The following MYO5B variants were observed in gnomAD, a reference collection of about 807,000 sequenced individuals.
The protein encoded by MYO5B is myosin VB.
Under a neutral mutation model 229.3 loss-of-function variants are expected in MYO5B, and 143 were observed. The observed-to-expected ratio is 0.62, with a 90% CI of 0.54 to 0.72. The LOEUF is 0.72. Among genes scored for constraint, MYO5B ranks in the 30% least tolerant of loss-of-function variants. The probability of loss-of-function intolerance (pLI) is 0.00; values close to 1 mark genes in which losing one functional copy is unlikely to be tolerated. For missense variants in MYO5B, 2,321 were observed against 2,331.0 expected (o/e 1.00, Z 0.09); for synonymous variants, 918 against 885.2 (o/e 1.04, Z -0.66).
intron 22 of MYO5B, among the ~76,000 whole-genome samples, chr18:49,882,193 C>T (rs2024593967): frequency 6.6e-6 from 1 of 152,154 alleles, no homozygotes; most frequent in African/African-American, 2.4e-5. Flanking sequence ...ATCTCCCTTC[C>T]CCCACGGCTG....
chr18:49,973,488 G>A (rs1049618445), intron 10 of MYO5B, among the ~76,000 whole-genome samples: 11 of 152,176 alleles, frequency 7.2e-5, no homozygotes, highest in Non-Finnish European at 1.6e-4. Context: ...TCTATTTTAA[G>A]ATGCCATGAC....
intron 18 of MYO5B, among the ~76,000 whole-genome samples, chr18:49,908,835 T>A (rs552559327): frequency 6.6e-6 from 1 of 152,312 alleles, no homozygotes; most frequent in Admixed American, 6.5e-5. Flanking sequence ...TCAGTATGTA[T>A]CTGTGGAGTT....
intron 6 of MYO5B, among the ~76,000 whole-genome samples, chr18:49,991,203 C>CTG (rs1374267901): frequency 6.6e-6 from 1 of 152,176 alleles, no homozygotes; most frequent in Non-Finnish European, 1.5e-5. Flanking sequence ...TCAAGCCAAC[C>CTG]TGTGAGGTGC....
At chr18:50,059,937 G>A (rs999052128) in intron 1 of MYO5B, among the ~76,000 whole-genome samples, 1 of 152,138 alleles carries the variant, frequency 6.6e-6, no homozygotes, top group Non-Finnish European at 1.5e-5. Flanking sequence ...TAAAATATAT[G>A]GCCAAGAAAC....
Position 49,936,306 on chromosome 18 carries a change from G to C in MYO5B, c.1949C>G (p.Thr650Arg). The stretch of plus-strand genomic sequence containing the variant: ...GATGCAGCGGACATAGTGAGGTGTC[G>C]TGGCATTCAGGGTCTCCATGAGCAG... ...LHLLMETLNA[T>R]TPHYVRCIKP... The change falls in exon 16 of 40, where the codon ACG becomes AGG. Residue 650 changes from threonine (T) to arginine (R), a missense_variant. Thr to Arg is a moderately conservative substitution (Grantham distance 71). Transcript: ENST00000285039. 6.2e-7 allele frequency: 1 copy of C among 1,603,884 alleles called. No individual in the cohort carries two copies. Among genetic ancestry groups the C allele is most frequent in the Non-Finnish European group, 8.5e-7 (1 of 1,174,590 alleles).
intron 1 of MYO5B, among the ~76,000 whole-genome samples, chr18:50,068,927 A>T (rs1435558980): frequency 6.6e-6 from 1 of 152,136 alleles, no homozygotes; most frequent in Non-Finnish European, 1.5e-5. Flanking sequence ...CACCTTTAAT[A>T]TATCCATGGA....
intron 1 of MYO5B, chr18:50,063,754 T>C (rs553020875): frequency 1.3e-5 from 2 of 152,338 alleles, no homozygotes; most frequent in South Asian, 2.1e-4. Flanking sequence ...CCCAGTCTCT[T>C]CAGAAAAGAG....
chr18:49,872,153 C>G lies in MYO5B; in HGVS notation c.3603+14G>C. 6.2e-7 allele frequency: 1 copy of G among 1,613,558 alleles called. No homozygotes were observed. Among genetic ancestry groups the G allele is most frequent in the Non-Finnish European group, 8.5e-7 (1 of 1,179,626 alleles). On this transcript the variant is annotated intron_variant, in intron 27 of 39. Transcript: ENST00000285039. ...GGGGAGTGTTCCAGGAAGCCTGTCC[C>G]CCAAGAATCTTACCTTCAGACTATT...
chr18:49,925,466 G>A (rs2144187329), intron 17 of MYO5B, among the ~76,000 whole-genome samples: 1 of 152,358 alleles, frequency 6.6e-6, no homozygotes, highest in East Asian at 1.9e-4. Context: ...CCTGAGGGCT[G>A]CGTCATGGGC....
intron 1 of MYO5B, among the ~76,000 whole-genome samples, chr18:50,077,168 T>TAAAAAAAGAAAAAAAAAAAAA (rs2031100200): frequency 1.2e-5 from 1 of 81,232 alleles, no homozygotes; most frequent in Non-Finnish European, 2.3e-5. Context: ...TGTGGCAAAG[T>TAAAAAAAGAAAAAAAAAAAAA]AAAAAAAAAA....
In MYO5B at chr18:49,826,333, T is replaced by C; in HGVS notation, c.*138A>G. On this transcript the variant is annotated 3_prime_UTR_variant, in exon 40 of 40. Transcript: ENST00000285039. The stretch of plus-strand genomic sequence containing the variant: ...CATAGTTGTGTCTAATTCTGTATAG[T>C]TCAGCACCCTCCACAGGCTGTCAAT... The C allele has an allele frequency of 9.4e-7, 1 of 1,066,476 alleles. No homozygotes were observed. Among genetic ancestry groups the C allele is most frequent in the Non-Finnish European group, 1.4e-6 (1 of 717,296 alleles). The allele number at this position is 1,066,476 out of a possible 1,614,324, so 66.1% of individuals were successfully genotyped here.
chr18:50,122,693 G>C (rs4939943), intron 1 of MYO5B, among the ~76,000 whole-genome samples: 100,382 of 122,340 alleles, frequency 0.82, 41,158 homozygotes, highest in Admixed American at 0.88. Flanking sequence ...GAGACTGACT[G>C]CATCTCAAAA....
At chr18:49,983,207 T>G (rs962346131) in intron 8 of MYO5B, among the ~76,000 whole-genome samples, 12 of 152,186 alleles carry the variant, frequency 7.9e-5, no homozygotes, top group African/African-American at 2.9e-4. Flanking sequence ...TGCCTACTGG[T>G]AGAATGTCAA....
rs569929737 is a variant in MYO5B, at chr18:50,027,929, A to G, written c.455+8921T>C. Among the ~76,000 whole-genome samples, 14 of 152,326 alleles carry G rather than the reference A, an allele frequency of 9.2e-5. No individual in the cohort carries two copies. The South Asian group carries it at 1.0e-3, about 11-fold the overall frequency. On this transcript the variant is annotated intron_variant, in intron 4 of 39. Coordinates refer to ENST00000285039, the MANE Select transcript of MYO5B (RefSeq NM_001080467.3). Reference sequence around the variant, plus strand: ...GCATACCAAAGGGAAAAAACAATCAATTGAGCAAGTGCAGGATGAAGGCAA... The same window carrying G: ...GCATACCAAAGGGAAAAAACAATCAGTTGAGCAAGTGCAGGATGAAGGCAA...
At position 49,962,421 on chromosome 18, in the gene MYO5B, A is replaced by G. The variant is rs763156750; in HGVS notation, c.1405-15T>C. The G allele has an allele frequency of 6.2e-7, 1 of 1,614,120 alleles. No individual in the cohort carries two copies. Among genetic ancestry groups the G allele is most frequent in the Admixed American group, 1.7e-5 (1 of 60,018 alleles). Reference sequence around the variant, plus strand: ...TTGAAAACATGCTAGGGCAAGTAAAAAGGTCACACGAGTGAACTGCAGGCA... The same window carrying G: ...TTGAAAACATGCTAGGGCAAGTAAAGAGGTCACACGAGTGAACTGCAGGCA... On this transcript the variant is annotated splice_polypyrimidine_tract_variant and intron_variant, in intron 11 of 39. Coordinates refer to ENST00000285039, the MANE Select transcript of MYO5B (RefSeq NM_001080467.3).
intron 4 of MYO5B, among the ~76,000 whole-genome samples, chr18:50,027,353 G>C (rs149278352): frequency 7.0e-4 from 106 of 152,214 alleles, no homozygotes; most frequent in Non-Finnish European, 1.4e-3. Flanking sequence ...ACCCAGGAGG[G>C]TTCTGCCTGC....
intron 19 of MYO5B, among the ~76,000 whole-genome samples, chr18:49,905,821 G>A (rs779439511): frequency 7.9e-5 from 12 of 152,156 alleles, no homozygotes; most frequent in East Asian, 1.9e-4. Context: ...CCCAGTGTCC[G>A]TGAGGAAGGA....
rs11313115 is a variant in MYO5B, at chr18:49,939,148, CTTTTTT to C, written c.1753-1757_1753-1752del. Among the ~76,000 whole-genome samples, 240 of 119,054 alleles carry C rather than the reference CTTTTTT, an allele frequency of 2.0e-3. 2 individuals are homozygous for C. Among genetic ancestry groups the C allele is most frequent in the Admixed American group, 2.8e-3 (29 of 10,314 alleles). 78.1% of individuals were successfully genotyped at this position (119,054 alleles called of 152,430 possible). A position where few individuals can be genotyped will look rare whatever the true frequency, so the allele number is the denominator to read the frequency against. On this transcript the variant is annotated intron_variant, in intron 14 of 39. Coordinates refer to ENST00000285039, the MANE Select transcript of MYO5B (RefSeq NM_001080467.3). ...TACATTAACACTCTTTCTTTTTTTT[CTTTTTT>C]TTTTTTTTTTTTGAAACAGTCTCGC...
Position 50,058,588 on chromosome 18 carries a change from A to T in MYO5B, c.28-3210T>A, listed in dbSNP as rs564731349. On this transcript the variant is annotated intron_variant, in intron 1 of 39. Transcript: ENST00000285039. ...CACTTTGGGAGGCCGAGGTAGGTGG[A>T]TCATTTGAGGTCAGGAGTTCGAAAC... 1.6e-4 allele frequency among the ~76,000 whole-genome samples: 24 copies of T among 152,310 alleles called. No individual in the cohort carries two copies. In the East Asian group the frequency reaches 4.4e-3, roughly 28 times the overall value.
Sources: allele counts gnomAD v4.1 joint callset (sites outside exome capture counted in the v4.1 genomes callset), GRCh38; gene constraint gnomAD v4.1.1; transcripts MANE v1.5; gene names NCBI Gene and HGNC (gene_info 2026-07-23, HGNC 2026-07-21).